The following DCDC1 variants were observed in gnomAD, a reference collection of about 807,000 sequenced individuals.
The protein encoded by DCDC1 is doublecortin domain containing 1, also known as doublecortin domain-containing protein 1.
In DCDC1, 200 loss-of-function variants were observed where a neutral mutation model predicts 178.3. The observed-to-expected ratio is 1.12, with a 90% CI of 1.00 to 1.26. DCDC1 has a LOEUF of 1.26. DCDC1 is among the 50% of genes most tolerant of loss of function. The probability of loss-of-function intolerance (pLI) is 0.00; values close to 1 mark genes in which losing one functional copy is unlikely to be tolerated. For missense variants in DCDC1, 1,983 were observed against 1,749.2 expected, an observed-to-expected ratio of 1.13 and a Z score of -2.38; for synonymous variants, 690 against 604.8, an observed-to-expected ratio of 1.14 and a Z score of -2.07.
At chr11:30,945,842 A>G (rs748354111) in intron 21 of DCDC1, among the ~76,000 whole-genome samples, 3 of 152,090 alleles carry the variant, frequency 2.0e-5, no homozygotes, top group Non-Finnish European at 2.9e-5. Flanking sequence ...TAAAAAAAGT[A>G]TCTTCTTGTG....
At chr11:31,184,088 T>A (rs1591337889) in intron 9 of DCDC1, among the ~76,000 whole-genome samples, 1 of 152,182 alleles carries the variant, frequency 6.6e-6, no homozygotes, top group East Asian at 1.9e-4. Context: ...CCAAAACAGA[T>A]ATACAGACCA....
intron 8 of DCDC1, among the ~76,000 whole-genome samples, chr11:31,258,322 C>T (rs1454163532): frequency 1.3e-5 from 2 of 152,110 alleles, no homozygotes; most frequent in African/African-American, 2.4e-5. Context: ...TATTGACAAA[C>T]TTAGAACTGA....
intron 7 of DCDC1, among the ~76,000 whole-genome samples, chr11:31,272,718 G>C (rs999062774): frequency 1.3e-5 from 2 of 152,222 alleles, no homozygotes; most frequent in Non-Finnish European, 2.9e-5. Context: ...CGCAAGAAGG[G>C]GGTTCCCATG....
At chr11:31,272,492 T>C (rs1300885581) in intron 7 of DCDC1, among the ~76,000 whole-genome samples, 1 of 152,208 alleles carries the variant, frequency 6.6e-6, no homozygotes, top group East Asian at 1.9e-4. Flanking sequence ...CTTCCACCTA[T>C]GAGCCAGTAA....
chr11:31,324,456 T>C (rs1330930033), intron 3 of DCDC1, among the ~76,000 whole-genome samples: 1 of 152,054 alleles, frequency 6.6e-6, no homozygotes, highest in Non-Finnish European at 1.5e-5. Flanking sequence ...AATGATCTAG[T>C]CTTTTAACAT....
chr11:31,110,441 T>G, intron 11 of DCDC1, 80 bp from the exon 12 acceptor site: 1 of 598,154 alleles, frequency 1.7e-6, no homozygotes, highest in Non-Finnish European at 3.0e-6. Context: ...TTAGATAAAT[T>G]TAGGCAGTCA....
intron 20 of DCDC1, among the ~76,000 whole-genome samples, chr11:30,987,953 A>G (rs1950747831): frequency 6.6e-6 from 1 of 152,186 alleles, no homozygotes; most frequent in Admixed American, 6.5e-5. Context: ...AGTATGTTCT[A>G]GAAGCAGAAA....
In DCDC1 at chr11:31,117,380, GA is replaced by G. The variant is rs5790850; in HGVS notation, c.1486-7020del. On this transcript the variant is annotated intron_variant, in intron 11 of 38. Coordinates refer to ENST00000684477, the MANE Select transcript of DCDC1 (RefSeq NM_001387274.1). Reference sequence around the variant, plus strand: ...TTCCAAGAAAGAATTTTGATTTCAGGAAAAAAAAAAAAATTCTAAACTACTA... The same window carrying G: ...TTCCAAGAAAGAATTTTGATTTCAGGAAAAAAAAAAAATTCTAAACTACTA... Among the ~76,000 whole-genome samples the G allele has an allele frequency of 3.2e-3, 471 of 145,176 alleles. 1 individual carries two copies. Among genetic ancestry groups the G allele is most frequent in the African/African-American group, 9.4e-3 (366 of 39,014 alleles).
intron 9 of DCDC1, among the ~76,000 whole-genome samples, chr11:31,201,611 A>G (rs1431003814): frequency 6.6e-6 from 1 of 152,054 alleles, no homozygotes; most frequent in Non-Finnish European, 1.5e-5. Context: ...CATTAAATAA[A>G]AATATATTAA....
intron 1 of DCDC1, among the ~76,000 whole-genome samples, chr11:31,354,066 T>A (rs747017503): frequency 6.6e-6 from 1 of 152,110 alleles, no homozygotes; most frequent in Non-Finnish European, 1.5e-5. Flanking sequence ...GGCGGGAGGA[T>A]CACGAGGTCA....
At chr11:31,140,516 T>A (rs1963691650) in intron 9 of DCDC1, among the ~76,000 whole-genome samples, 1 of 152,156 alleles carries the variant, frequency 6.6e-6, no homozygotes, top group African/African-American at 2.4e-5. Context: ...CTAAGATTTT[T>A]AAAACTTGTA....
intron 9 of DCDC1, among the ~76,000 whole-genome samples, chr11:31,169,538 C>A (rs1406219762): frequency 6.6e-6 from 1 of 152,174 alleles, no homozygotes; most frequent in African/African-American, 2.4e-5. Flanking sequence ...AGACAGAGAA[C>A]TAGGCCAGAC....
intron 9 of DCDC1, among the ~76,000 whole-genome samples, chr11:31,142,949 C>T (rs961231534): frequency 6.6e-6 from 1 of 151,922 alleles, no homozygotes; most frequent in Non-Finnish European, 1.5e-5. Flanking sequence ...CCAAATTGAT[C>T]GCACTTTCCC....
In DCDC1 at chr11:30,864,373, C is replaced by G. The variant is rs891881754; in HGVS notation, c.*1000G>C. 2.6e-5 allele frequency: 4 copies of G among 152,246 alleles called. No homozygotes were observed. The highest frequency in any genetic ancestry group is 2.6e-4 in the Admixed American group (4 of 15,290). The allele number at this position is 152,246 out of a possible 1,614,324, so 9.4% of individuals were successfully genotyped here. A position where few individuals can be genotyped will look rare whatever the true frequency, so the allele number is the denominator to read the frequency against. Reference sequence around the variant, plus strand: ...AGGATATAAGATGTCTAGTTTATACCATGACATTTCTTTCATTTGCACAAT... The same window carrying G: ...AGGATATAAGATGTCTAGTTTATACGATGACATTTCTTTCATTTGCACAAT... On this transcript the variant is annotated 3_prime_UTR_variant, in exon 39 of 39. Coordinates refer to ENST00000684477, the MANE Select transcript of DCDC1 (RefSeq NM_001387274.1).
intron 38 of DCDC1, among the ~76,000 whole-genome samples, chr11:30,876,500 G>T (rs1942134157): frequency 6.6e-6 from 1 of 152,144 alleles, no homozygotes; most frequent in African/African-American, 2.4e-5. Flanking sequence ...TCGCTGCCTT[G>T]CTGGTAAAAT....
chr11:31,162,128 G>A (rs1211104799), intron 9 of DCDC1, among the ~76,000 whole-genome samples: 1 of 152,100 alleles, frequency 6.6e-6, no homozygotes, highest in African/African-American at 2.4e-5. Flanking sequence ...TTGATTTTTA[G>A]TAAGTAAAGA....
At chr11:30,873,360 TATATAGAGAG>T (rs1476681828) in intron 38 of DCDC1, among the ~76,000 whole-genome samples, 1 of 138,660 alleles carries the variant, frequency 7.2e-6, no homozygotes, top group African/African-American at 2.7e-5. Flanking sequence ...TATATATATA[TATATAGAGAG>T]AGAGAGAGAG....
At chr11:31,291,199 T>C (rs1456565307) in intron 6 of DCDC1, among the ~76,000 whole-genome samples, 2 of 152,052 alleles carry the variant, frequency 1.3e-5, no homozygotes, top group African/African-American at 4.8e-5. Context: ...TCCAGTGTCC[T>C]TTGCTTACTA....
At chr11:30,920,114 T>C (rs76423311) in intron 25 of DCDC1, among the ~76,000 whole-genome samples, 2,695 of 152,240 alleles carry the variant, frequency 0.018, 82 homozygotes, top group African/African-American at 0.062. Flanking sequence ...GAATGTGCAA[T>C]ATGCAGGCGA....
Sources: allele counts gnomAD v4.1 joint callset (sites outside exome capture counted in the v4.1 genomes callset), GRCh38; gene constraint gnomAD v4.1.1; transcripts MANE v1.5; gene names NCBI Gene and HGNC (gene_info 2026-07-23, HGNC 2026-07-21).